Variants in PRELID2 observed in about 807,000 individuals in gnomAD.
PRELID2 encodes the protein PRELI domain containing 2, also known as PRELI domain-containing protein 2.
PRELID2 carries 25 observed loss-of-function variants against 28.4 expected under a neutral mutation model. The observed-to-expected ratio is 0.88, with a 90% CI of 0.64 to 1.23. PRELID2 has a LOEUF of 1.23. PRELID2 is among the 50% of genes most tolerant of loss of function. The pLI is 0.00. For synonymous variants in PRELID2, 76 were observed against 71.6 expected (o/e 1.06, Z -0.31); for missense variants, 201 against 214.4 (o/e 0.94, Z 0.39).
intron 1 of PRELID2, among the ~76,000 whole-genome samples, chr5:145,510,663 T>C (rs1218467254): frequency 6.6e-6 from 1 of 152,220 alleles, no homozygotes; most frequent in Non-Finnish European, 1.5e-5. Context: ...GAACTGTTGA[T>C]AAACCAGCAG....
Position 145,826,133 on chromosome 5 carries a change from G to A in PRELID2, c.76-2999C>T, listed in dbSNP as rs73306047. 9.4e-3 allele frequency: 9,222 copies of A among 985,192 alleles called. 618 individuals carry two copies. The African/African-American group carries it at 0.14, about 15-fold the overall frequency. 61.0% of individuals were successfully genotyped at this position (985,192 alleles called of 1,614,324 possible). A position where few individuals can be genotyped will look rare whatever the true frequency, so the allele number is the denominator to read the frequency against. ...TTAACTGAGCAGCTACTGTGTTCACGCAGGGTGCTATCCTAGAGAAGCTGC... is the reference window on the plus strand; with the variant it reads ...TTAACTGAGCAGCTACTGTGTTCACACAGGGTGCTATCCTAGAGAAGCTGC... On this transcript the variant is annotated intron_variant, in intron 1 of 6. Transcript: ENST00000683046.
chr5:145,245,916 GT>G, the PRELID2 span, among the ~76,000 whole-genome samples: 45 of 150,564 alleles, frequency 3.0e-4, no homozygotes, highest in Non-Finnish European at 2.1e-4. Flanking sequence ...TTTTGTTTTT[GT>G]TTTTTTTTAA....
intron 1 of PRELID2, among the ~76,000 whole-genome samples, chr5:145,649,760 C>T (rs1031256021): frequency 1.3e-5 from 2 of 152,096 alleles, no homozygotes; most frequent in Non-Finnish European, 2.9e-5. Flanking sequence ...TTCATAGTTT[C>T]CAATTTTCCA....
At chr5:145,552,333 T>C (rs187476876) in intron 1 of PRELID2, among the ~76,000 whole-genome samples, 1 of 152,280 alleles carries the variant, frequency 6.6e-6, no homozygotes, top group African/African-American at 2.4e-5. Flanking sequence ...TGCAGCCTAT[T>C]TGTTTGGGAA....
At chr5:145,430,790 A>G in the PRELID2 span, among the ~76,000 whole-genome samples, 24 of 152,170 alleles carry the variant, frequency 1.6e-4, no homozygotes, top group African/African-American at 5.1e-4. Context: ...TAATAATTTG[A>G]TATCACCATT....
At chr5:145,634,294 A>G (rs1255440482) in intron 1 of PRELID2, among the ~76,000 whole-genome samples, 1 of 151,996 alleles carries the variant, frequency 6.6e-6, no homozygotes, top group Non-Finnish European at 1.5e-5. Context: ...CTGCCTCTCC[A>G]CTCCCAAAGC....
At chr5:145,274,177 CA>C in the PRELID2 span, among the ~76,000 whole-genome samples, 1 of 152,106 alleles carries the variant, frequency 6.6e-6, no homozygotes, top group Non-Finnish European at 1.5e-5. Flanking sequence ...CTTAGTACAT[CA>C]GATAAAGTAC....
chr5:145,743,933 G>C (rs1374728808), intron 1 of PRELID2, among the ~76,000 whole-genome samples: 1 of 152,258 alleles, frequency 6.6e-6, no homozygotes, highest in African/African-American at 2.4e-5. Flanking sequence ...AGCTCCCTGG[G>C]CCGGGGAAGG....
At chr5:145,587,126 T>C (rs555218664) in intron 1 of PRELID2, among the ~76,000 whole-genome samples, 135 of 152,118 alleles carry the variant, frequency 8.9e-4, no homozygotes, top group Admixed American at 2.2e-3. Context: ...GAAATGAAGA[T>C]ACAGCATCAA....
the PRELID2 span, among the ~76,000 whole-genome samples, chr5:145,383,580 A>C: frequency 2.0e-5 from 3 of 151,514 alleles, no homozygotes; most frequent in Non-Finnish European, 4.4e-5. Flanking sequence ...TAGGGAAAAA[A>C]TCTTTTTAAC....
chr5:145,326,817 G>A, the PRELID2 span, among the ~76,000 whole-genome samples: 2 of 151,912 alleles, frequency 1.3e-5, no homozygotes, highest in East Asian at 3.9e-4. Flanking sequence ...CAGAAAAAAA[G>A]CATTAACTAT....
the PRELID2 span, among the ~76,000 whole-genome samples, chr5:145,352,989 G>T: frequency 6.6e-6 from 1 of 152,030 alleles, no homozygotes; most frequent in Non-Finnish European, 1.5e-5. Context: ...AAGATTTTAG[G>T]AAGTTCCAAA....
chr5:145,333,581 C>T, the PRELID2 span, among the ~76,000 whole-genome samples: 1 of 152,108 alleles, frequency 6.6e-6, no homozygotes, highest in Non-Finnish European at 1.5e-5. Context: ...GAGGGGAAAA[C>T]TGCCTACTCA....
chr5:145,361,025 A>C, the PRELID2 span, among the ~76,000 whole-genome samples: 1 of 152,206 alleles, frequency 6.6e-6, no homozygotes, highest in East Asian at 1.9e-4. Flanking sequence ...TAAAAGGATT[A>C]AAGCCTATGT....
At chr5:145,380,651 A>C in the PRELID2 span, among the ~76,000 whole-genome samples, 2 of 152,040 alleles carry the variant, frequency 1.3e-5, no homozygotes, top group Non-Finnish European at 2.9e-5. Flanking sequence ...TTTAGTACCT[A>C]CTGGTTTGCT....
rs111462384 is a variant in PRELID2 at position 145,534,304 on chromosome 5, G to A, written n.71-60989C>T. Among the ~76,000 whole-genome samples, 4 of 151,970 alleles carry A rather than the reference G, an allele frequency of 2.6e-5. 1 individual carries two copies. Among genetic ancestry groups the A allele is most frequent in the African/African-American group, 9.6e-5 (4 of 41,496 alleles). ...AACAGTGTTTCTTGAGTGTTATTGT[G>A]TTTCTTGAGAAACACAGGAAATGTG... On this transcript the variant is annotated intron_variant and non_coding_transcript_variant, in intron 1 of 2. Transcript: ENST00000510259.
intron 1 of PRELID2, among the ~76,000 whole-genome samples, chr5:145,488,123 CAAAA>C (rs10643402): frequency 3.0e-5 from 3 of 101,384 alleles, no homozygotes; most frequent in Non-Finnish European, 3.9e-5. Flanking sequence ...GACTCTGTCT[CAAAA>C]AAAAAAAAAA....
At chr5:145,342,241 C>CA in the PRELID2 span, among the ~76,000 whole-genome samples, 2 of 151,840 alleles carry the variant, frequency 1.3e-5, no homozygotes, top group South Asian at 2.1e-4. Flanking sequence ...ACATTCCCCA[C>CA]AAAAAAAGGT....
rs773368523 is a variant in PRELID2 at position 145,819,983 on chromosome 5, C to T, written c.169G>A (p.Ala57Thr). ...TCTGGAACCACGTTCTGACAGATTG[C>T]AATCCTCTTTCTGTAGATGACCCCT... ...STGVIYRKRI[A>T]ICQNVVPEIL... Residue 57 changes from alanine to threonine, a missense_variant, in exon 3 of 7, where the codon GCA (alanine) becomes ACA (threonine). Ala to Thr is a moderately conservative substitution (Grantham distance 58). Transcript: ENST00000683046. 6.2e-7 allele frequency: 1 copy of T among 1,607,166 alleles called. No homozygotes were observed. Among genetic ancestry groups the T allele is most frequent in the Non-Finnish European group, 8.5e-7 (1 of 1,176,306 alleles).
Sources: allele counts gnomAD v4.1 joint callset (sites outside exome capture counted in the v4.1 genomes callset), GRCh38; gene constraint gnomAD v4.1.1; transcripts MANE v1.5; gene names NCBI Gene and HGNC (gene_info 2026-07-23, HGNC 2026-07-21).